Variants in POLN observed in about 807,000 individuals in gnomAD.
POLN encodes DNA polymerase N.
In POLN, 108 loss-of-function variants were observed where a neutral mutation model predicts 113.5. The observed-to-expected ratio is 0.95, with a 90% CI of 0.81 to 1.12. The LOEUF is 1.12. Among genes scored for constraint, POLN ranks in the 50% most tolerant of loss-of-function variants. The pLI is 0.00. For missense variants in POLN, 1,097 were observed against 1,077.1 expected (o/e 1.02, Z -0.26); for synonymous variants, 386 against 391.5 (o/e 0.99, Z 0.17).
intron 19 of POLN, among the ~76,000 whole-genome samples, chr4:2,125,679 G>A (rs941505553): frequency 2.0e-5 from 3 of 152,202 alleles, no homozygotes; most frequent in African/African-American, 7.2e-5. Context: ...TAAGGGGGCA[G>A]CTGATGGGCT....
rs1243188427 is a variant in POLN, at chr4:2,173,981, T to G, written c.1348A>C (p.Met450Leu). The change falls in exon 11 of 26, where the codon ATG becomes CTG. Residue 450 changes from methionine (M) to leucine (L), a missense_variant. Physicochemically the swap from Met to Leu is conservative, Grantham distance 15. Coordinates refer to ENST00000511885, the MANE Select transcript of POLN (RefSeq NM_181808.4). ...SHAIQVNKEE[M>L]EKTSALLGAR... is the part of the protein sequence containing the mutation. ...CCAAGAAGTGCTGACGTCTTCTCCA[T>G]CTCCTCTTTGTTCACCTGAATGGCA... 3.7e-6 allele frequency: 6 copies of G among 1,614,094 alleles called. No homozygotes were observed. The highest frequency in any genetic ancestry group is 1.7e-5 in the Admixed American group (1 of 60,004).
At chr4:2,174,245 C>T (rs1732939427) in intron 10 of POLN, among the ~76,000 whole-genome samples, 1 of 152,234 alleles carries the variant, frequency 6.6e-6, no homozygotes, top group African/African-American at 2.4e-5. Context: ...GGCGAGGGGA[C>T]CGCACTGGCC....
At chr4:2,182,981 T>A (rs572794453) in intron 7 of POLN, among the ~76,000 whole-genome samples, 3 of 152,278 alleles carry the variant, frequency 2.0e-5, no homozygotes, top group Admixed American at 2.0e-4. Context: ...CAATGCAATT[T>A]TAAAATGGGC....
At chr4:2,240,419 C>G in intron 2 of POLN, 5 of 1,613,556 alleles carry the variant, frequency 3.1e-6, no homozygotes, top group Non-Finnish European at 4.2e-6. Flanking sequence ...AGAACATCAT[C>G]AATTGTGTAA....
chr4:2,152,373 GCT>G (rs1420414921), intron 16 of POLN, among the ~76,000 whole-genome samples: 2 of 140,874 alleles, frequency 1.4e-5, no homozygotes, highest in African/African-American at 5.3e-5. Flanking sequence ...ACAAGGTCTT[GCT>G]CTGTCACCTA....
intron 8 of POLN, among the ~76,000 whole-genome samples, chr4:2,178,443 G>T (rs1051778100): frequency 6.6e-6 from 1 of 152,324 alleles, no homozygotes; most frequent in South Asian, 2.1e-4. Context: ...CCCCAACTGT[G>T]GCCACATTGC....
intron 19 of POLN, among the ~76,000 whole-genome samples, chr4:2,110,771 C>T (rs1332576211): frequency 6.6e-6 from 1 of 152,148 alleles, no homozygotes; most frequent in African/African-American, 2.4e-5. Flanking sequence ...CAAAAAAAGT[C>T]CAGGACCAGA....
Position 2,208,464 on chromosome 4 carries a change from C to T in POLN, c.237G>A (p.Gln79=). Residue 79 remains glutamine, a synonymous_variant, in exon 5 of 26, where the codon CAG becomes CAA. Coordinates refer to ENST00000511885, the MANE Select transcript of POLN (RefSeq NM_181808.4). ...EKKDLKSLRS[Q]TSRGSAKLSP... is the part of the protein sequence containing the mutation. ...ACAGCTTGGCAGAACCTCTTGATGT[C>T]TGACTTCTTAAAGATTTAAGATCCT... 2 of 1,556,074 alleles carry T rather than the reference C, an allele frequency of 1.3e-6. No individual in the cohort carries two copies. The highest frequency in any genetic ancestry group is 1.7e-6 in the Non-Finnish European group (2 of 1,157,380).
chr4:2,156,465 T>G lies in POLN; in HGVS notation c.1731+323A>C, dbSNP rs577175280. ...TCATAGCATCAGATACTTCAACACA[T>G]TTCTGGAAATCAGAAGCCACCTGTC... is the stretch of plus-strand genomic sequence containing the variant. On this transcript the variant is annotated intron_variant, in intron 16 of 25. Transcript: ENST00000511885. The G allele has an allele frequency of 3.8e-5, 19 of 501,372 alleles. 1 individual carries two copies. Among genetic ancestry groups the G allele is most frequent in the South Asian group, 2.9e-4 (19 of 64,952 alleles). 31.1% of individuals were successfully genotyped at this position (501,372 alleles called of 1,614,324 possible).
rs552126340 is a variant in POLN, at chr4:2,126,151, C to T, written c.1982+1962G>A. Among the ~76,000 whole-genome samples the T allele has an allele frequency of 4.6e-5, 7 of 152,330 alleles. No individual in the cohort carries two copies. In the East Asian group the frequency reaches 1.2e-3, roughly 25 times the overall value. On this transcript the variant is annotated intron_variant, in intron 19 of 25. Coordinates refer to ENST00000511885, the MANE Select transcript of POLN (RefSeq NM_181808.4). The surrounding 1 kb of genome is among the most constrained non-coding windows in gnomAD (Gnocchi z 4.6). ...ATGTGCTGTGCTCGTCACATCGACCCGGTACAGTGCCTCTTCCTGTGCTGG... is the reference window on the plus strand; with the variant it reads ...ATGTGCTGTGCTCGTCACATCGACCTGGTACAGTGCCTCTTCCTGTGCTGG...
intron 19 of POLN, among the ~76,000 whole-genome samples, chr4:2,116,852 C>T (rs1731328682): frequency 6.6e-6 from 1 of 152,218 alleles, no homozygotes; most frequent in South Asian, 2.1e-4. Context: ...CTAGAGGGCA[C>T]ATATTCTCTG....
chr4:2,224,532 T>C (rs1170643761), intron 3 of POLN, among the ~76,000 whole-genome samples: 1 of 152,220 alleles, frequency 6.6e-6, no homozygotes, highest in Non-Finnish European at 1.5e-5. Flanking sequence ...TAGTACAGTG[T>C]AGTAGGCTAT....
At chr4:2,170,612 G>T in intron 13 of POLN, 67 bp downstream of exon 13, 1 of 1,409,650 alleles carries the variant, frequency 7.1e-7, no homozygotes, top group Non-Finnish European at 9.9e-7. Context: ...GGGTCTGAAG[G>T]TCAGCACACA....
intron 17 of POLN, 71 bp downstream of exon 17, chr4:2,131,162 G>T: frequency 8.9e-7 from 1 of 1,121,792 alleles, no homozygotes. Context: ...TCTAGCCTGG[G>T]TGACAGAGTG....
chr4:2,101,338 G>A (rs1479351962), intron 19 of POLN, among the ~76,000 whole-genome samples: 2 of 151,998 alleles, frequency 1.3e-5, no homozygotes, highest in African/African-American at 2.4e-5. Flanking sequence ...ATGCTATGTA[G>A]ACAATCACAC....
intron 24 of POLN, among the ~76,000 whole-genome samples, chr4:2,073,746 G>A (rs1344339856): frequency 3.3e-5 from 5 of 152,234 alleles, no homozygotes; most frequent in African/African-American, 7.2e-5. Flanking sequence ...AAAGATGGCG[G>A]CAGGAGCCCC....
intron 19 of POLN, among the ~76,000 whole-genome samples, chr4:2,104,130 TGAAA>T (rs1291103887): frequency 2.0e-5 from 3 of 151,986 alleles, no homozygotes. Flanking sequence ...ACAGAGAAAA[TGAAA>T]GAAACAAATA....
chr4:2,096,964 C>T (rs541459082), intron 19 of POLN, among the ~76,000 whole-genome samples: 3 of 152,208 alleles, frequency 2.0e-5, no homozygotes, highest in Non-Finnish European at 2.9e-5. Flanking sequence ...CTACATTTCC[C>T]GATATCCACA....
At chr4:2,238,711 TTGAC>T in intron 2 of POLN, 1 of 1,613,606 alleles carries the variant, frequency 6.2e-7, no homozygotes, top group Non-Finnish European at 8.5e-7. Context: ...TCATGTTACT[TTGAC>T]TAAGTTCTTG....
Sources: allele counts gnomAD v4.1 joint callset (sites outside exome capture counted in the v4.1 genomes callset), GRCh38; gene constraint gnomAD v4.1.1; non-coding constraint Gnocchi (gnomAD v3.1); transcripts MANE v1.5; gene names NCBI Gene and HGNC (gene_info 2026-07-23, HGNC 2026-07-21).